Variants in VPS41 observed in about 807,000 individuals in gnomAD.
VPS41 encodes VPS41 subunit of HOPS complex.
A neutral mutation model predicts 130.9 loss-of-function variants in VPS41; 85 were observed. That is an observed-to-expected ratio of 0.65 (90% CI 0.55 to 0.78). VPS41 has a LOEUF of 0.78. Ranked by LOEUF, VPS41 falls within the 30% of genes least tolerant of loss-of-function variation. VPS41 has a pLI of 0.00. For missense variants in VPS41, 874 were observed against 1,018.7 expected (o/e 0.86, Z 1.93); for synonymous variants, 335 against 332.9 (o/e 1.01, Z -0.07).
chr7:38,755,448 A>T (rs994672360), intron 19 of VPS41, among the ~76,000 whole-genome samples: 1 of 152,194 alleles, frequency 6.6e-6, no homozygotes, highest in African/African-American at 2.4e-5. Context: ...ATAATGACAT[A>T]AAGCTTTTGG....
intron 25 of VPS41, among the ~76,000 whole-genome samples, chr7:38,739,855 A>C (rs949583225): frequency 6.6e-6 from 1 of 152,258 alleles, no homozygotes; most frequent in Admixed American, 6.5e-5. Context: ...TATCTTAAGG[A>C]AAAGCTCTAA....
At chr7:38,871,357 T>G (rs576997648) in intron 2 of VPS41, among the ~76,000 whole-genome samples, 20 of 152,198 alleles carry the variant, frequency 1.3e-4, no homozygotes, top group Non-Finnish European at 2.2e-4. Context: ...GGGCAAGGGA[T>G]TGCATCTTCA....
intron 25 of VPS41, 55 bp downstream of exon 25, chr7:38,741,930 T>C: frequency 2.5e-6 from 4 of 1,591,462 alleles, no homozygotes; most frequent in Non-Finnish European, 3.4e-6. Flanking sequence ...GAAATATTTA[T>C]CCAGTACTAA....
At chr7:38,727,406 A>G (rs1041225317) in intron 27 of VPS41, among the ~76,000 whole-genome samples, 9 of 152,210 alleles carry the variant, frequency 5.9e-5, no homozygotes, top group South Asian at 2.1e-4. Context: ...CCTGGGTTAC[A>G]AGCCCAGGCT....
intron 2 of VPS41, among the ~76,000 whole-genome samples, chr7:38,875,278 A>G (rs902440842): frequency 6.6e-6 from 1 of 152,202 alleles, no homozygotes; most frequent in African/African-American, 2.4e-5. Context: ...AAGTACATGA[A>G]TAATATAGGA....
intron 11 of VPS41, among the ~76,000 whole-genome samples, chr7:38,774,969 T>C (rs35776438): frequency 0.052 from 7,849 of 152,172 alleles, 247 homozygotes; most frequent in South Asian, 0.088. Context: ...TACACAGACA[T>C]ACGCAGGGAA....
intron 1 of VPS41, among the ~76,000 whole-genome samples, chr7:38,901,094 T>C (rs1787129862): frequency 2.6e-5 from 4 of 152,208 alleles, no homozygotes; most frequent in African/African-American, 2.4e-5. Flanking sequence ...ATGTAAGTTA[T>C]AAATTATGCT....
chr7:38,885,798 C>CTT (rs1261414220), intron 2 of VPS41, among the ~76,000 whole-genome samples: 1 of 152,096 alleles, frequency 6.6e-6, no homozygotes, highest in East Asian at 1.9e-4. Context: ...TATAAATTCT[C>CTT]TTGAAGCAAG....
At chr7:38,731,464 T>C (rs1049817278) in intron 25 of VPS41, among the ~76,000 whole-genome samples, 1 of 152,204 alleles carries the variant, frequency 6.6e-6, no homozygotes, top group Admixed American at 6.5e-5. Flanking sequence ...AAGACACTGA[T>C]GGCCAAAAGT....
rs750162460 is a variant in VPS41 at position 38,884,698 on chromosome 7, T to C, written c.60+13393A>G. ...TGTAACTACCTGCCTTGGCCTGGGC[T>C]CTGAGTAATACAATGCGCACACAAT... On this transcript the variant is annotated intron_variant, in intron 2 of 28. Transcript: ENST00000310301. 1.2e-4 allele frequency among the ~76,000 whole-genome samples: 18 copies of C among 152,172 alleles called. 1 individual carries two copies. Among genetic ancestry groups the C allele is most frequent in the Admixed American group, 6.5e-5 (1 of 15,278 alleles).
intron 4 of VPS41, among the ~76,000 whole-genome samples, chr7:38,836,282 T>C (rs1785492374): frequency 6.6e-6 from 1 of 152,064 alleles, no homozygotes; most frequent in Admixed American, 6.5e-5. Context: ...AAATTATACT[T>C]GATTTATGCC....
chr7:38,870,090 C>A (rs1162018311), intron 2 of VPS41, among the ~76,000 whole-genome samples: 3 of 152,180 alleles, frequency 2.0e-5, no homozygotes, highest in Non-Finnish European at 2.9e-5. Flanking sequence ...AGGCTGAGAA[C>A]CCAAGCTCTG....
At position 38,795,560 on chromosome 7, in the gene VPS41, G is replaced by A. The variant is rs202230619; in HGVS notation, c.622C>T (p.Arg208Trp). Residue 208 changes from arginine to tryptophan, a missense_variant, in exon 9 of 29, where the codon CGG (arginine) becomes TGG (tryptophan). Transcript: ENST00000310301. ...TCTGGGCGAAGACTTATATCATCCC[G>A]GGGCACATTGGTGATTCTTTGCTTT... ...ISKQRITNVP[R>W]DDISLRPDMY... 1.5e-4 allele frequency: 248 copies of A among 1,613,034 alleles called. No individual in the cohort carries two copies. The highest frequency in any genetic ancestry group is 4.9e-4 in the Middle Eastern group (3 of 6,076).
intron 4 of VPS41, among the ~76,000 whole-genome samples, chr7:38,846,433 C>A (rs537616893): frequency 2.3e-4 from 35 of 152,224 alleles, no homozygotes; most frequent in African/African-American, 8.2e-4. Flanking sequence ...GAAGATGACA[C>A]CGATAATTTG....
chr7:38,894,422 C>T (rs980843377), intron 2 of VPS41, among the ~76,000 whole-genome samples: 4 of 148,576 alleles, frequency 2.7e-5, no homozygotes, highest in Non-Finnish European at 5.9e-5. Context: ...TTTCATAGAG[C>T]TAGAGGCAGC....
chr7:38,728,424 A>T, intron 27 of VPS41, 118 bp downstream of exon 27: 1 of 1,137,144 alleles, frequency 8.8e-7, no homozygotes, highest in Middle Eastern at 2.0e-4. Flanking sequence ...ACTTCTCTCC[A>T]CTGGGTTATT....
chr7:38,780,337 G>A (rs1167083288), intron 10 of VPS41, among the ~76,000 whole-genome samples: 1 of 151,966 alleles, frequency 6.6e-6, no homozygotes, highest in Non-Finnish European at 1.5e-5. Context: ...TCACCTAGAT[G>A]ATGGCCTTAT....
intron 7 of VPS41, among the ~76,000 whole-genome samples, chr7:38,816,111 T>C (rs1388860080): frequency 6.6e-6 from 1 of 152,008 alleles, no homozygotes; most frequent in East Asian, 1.9e-4. Flanking sequence ...ACAAGTAAGG[T>C]AGTTATTTTT....
intron 4 of VPS41, among the ~76,000 whole-genome samples, chr7:38,855,781 T>C (rs1785968851): frequency 6.6e-6 from 1 of 152,208 alleles, no homozygotes; most frequent in Non-Finnish European, 1.5e-5. Flanking sequence ...ACTTTATACA[T>C]TACCCATAGC....
Sources: gnomAD v4.1 joint callset for allele counts (sites outside exome capture counted in the v4.1 genomes callset) on GRCh38, gnomAD v4.1.1 for gene constraint, MANE v1.5 for transcripts, NCBI Gene and HGNC (gene_info 2026-07-23, HGNC 2026-07-21) for gene names.